Variants in TP53I13 observed in about 807,000 individuals in gnomAD.
The protein encoded by TP53I13 is tumor protein p53 inducible protein 13, also known as tumor protein p53-inducible protein 13.
A neutral mutation model predicts 39.1 loss-of-function variants in TP53I13; 27 were observed. The ratio of observed to expected loss-of-function variants is 0.69; its 90% CI spans 0.51 to 0.95. The LOEUF is 0.95. Ranked by LOEUF, TP53I13 falls within the 40% of genes least tolerant of loss-of-function variation. The probability of loss-of-function intolerance (pLI) is 0.00; values close to 1 mark genes in which losing one functional copy is unlikely to be tolerated. For missense variants in TP53I13, 544 were observed against 520.4 expected (o/e 1.05, Z -0.44); for synonymous variants, 230 against 224.6 (o/e 1.02, Z -0.22).
downstream of TP53I13, chr17:29,575,612 A>C (rs746235485): frequency 1.2e-6 from 2 of 1,608,350 alleles, no homozygotes; most frequent in Non-Finnish European, 1.7e-6. The surrounding 1 kb of genome is among the most constrained non-coding windows in gnomAD (Gnocchi z 5.5). Flanking sequence ...GCTGGACTGG[A>C]GACCCAGGGA....
upstream of TP53I13, chr17:29,567,037 CGCGGCTCCGCCCGCCG>C: frequency 8.4e-7 from 1 of 1,192,764 alleles, no homozygotes; most frequent in Non-Finnish European, 1.0e-6. This position sits in a 1 kb window ranked among gnomAD's most constrained non-coding sequence, Gnocchi z 6.6. Flanking sequence ...GCGCTTTGCC[CGCGGCTCCGCCCGCCG>C]GCGGCGGCTG....
chr17:29,569,349 G>T lies in TP53I13; in HGVS notation c.173G>T (p.Ser58Ile). 1 of 1,613,808 alleles carries T rather than the reference G, an allele frequency of 6.2e-7. No individual in the cohort carries two copies. Among genetic ancestry groups the T allele is most frequent in the Non-Finnish European group, 8.5e-7 (1 of 1,179,888 alleles). ...CCAAGAGTGACCTACACACGAGTGA[G>T]CCCAGGGCAGGTGAGTACAAGCAGG... ...VSPRVTYTRV[S>I]PGQAEDVTFL... The change falls in exon 3 of 7, where the codon AGC becomes ATC. Residue 58 changes from serine to isoleucine, a missense_variant. By Grantham distance (142) the Ser-to-Ile change is moderately radical (BLOSUM62 -2). Transcript: ENST00000301057.
At chr17:29,567,857 T>C (rs569913706), upstream of TP53I13, among the ~76,000 whole-genome samples, 58 of 152,146 alleles carry the variant, frequency 3.8e-4, no homozygotes, top group African/African-American at 1.3e-3. This position sits in a 1 kb window ranked among gnomAD's most constrained non-coding sequence, Gnocchi z 6.6. Context: ...TTCTCGCTGT[T>C]TCCAAGCTTT....
chr17:29,571,669 T>C lies in TP53I13; in HGVS notation c.262T>C (p.Cys88Arg). Residue 88 changes from cysteine (C) to arginine (R), a missense_variant, in exon 4 of 7, where the codon TGT (cysteine) becomes CGT (arginine). Transcript: ENST00000301057. ...KLQLALLAYA[C>R]MANPSLTPDF... ...CCAGCTTGCCCTCCTGGCCTATGCT[T>C]GTATGGCTAACCCTTCCCTCACCCC... The C allele has an allele frequency of 6.2e-7, 1 of 1,614,138 alleles. No individual in the cohort carries two copies. The highest frequency in any genetic ancestry group is 8.5e-7 in the Non-Finnish European group (1 of 1,180,014).
the TP53I13 span, among the ~76,000 whole-genome samples, chr17:29,578,533 A>T: frequency 6.6e-6 from 1 of 152,032 alleles, no homozygotes; most frequent in Non-Finnish European, 1.5e-5. Context: ...CATGTTCCAA[A>T]CTCCAAGGTG....
chr17:29,574,342 G>A (rs189416822), downstream of TP53I13: 22 of 292,154 alleles, frequency 7.5e-5, no homozygotes, highest in South Asian at 6.2e-4. Flanking sequence ...GGGGTGGGGC[G>A]CATGTACGGA....
At chr17:29,580,663 A>T in the TP53I13 span, among the ~76,000 whole-genome samples, 13 of 151,996 alleles carry the variant, frequency 8.6e-5, no homozygotes, top group African/African-American at 2.7e-4. Context: ...CCTGAAGCCC[A>T]CCCATCTTTT....
rs112566679 is a variant in TP53I13, at chr17:29,572,448, G to A, written c.820G>A (p.Gly274Arg). 305 of 1,578,296 alleles carry A rather than the reference G, an allele frequency of 1.9e-4. No homozygotes were observed. Among genetic ancestry groups the A allele is most frequent in the Non-Finnish European group, 2.4e-4 (280 of 1,159,436 alleles). Residue 274 changes from glycine to arginine, a missense_variant, in exon 6 of 7, where the codon GGG becomes AGG. By Grantham distance (125) the Gly-to-Arg change is moderately radical. Transcript: ENST00000301057. ...SSRTEAQVPN[G>R]QGSPGGCVCS... ...CAGGACAGAGGCTCAGGTGCCCAAC[G>A]GGCAAGGCAGCCCAGGGGGCTGTGT...
At position 29,572,688 on chromosome 17, in the gene TP53I13, A is replaced by G. The variant is rs754893712; in HGVS notation, c.1060A>G (p.Thr354Ala). The G allele has an allele frequency of 3.9e-5, 60 of 1,554,454 alleles. No homozygotes were observed. In the African/African-American group the frequency reaches 6.1e-4, roughly 16 times the overall value. Residue 354 changes from threonine to alanine, a missense_variant, in exon 6 of 7, where the codon ACA becomes GCA. Physicochemically the swap from Thr to Ala is moderately conservative, Grantham distance 58 (BLOSUM62 0). Coordinates refer to ENST00000301057, the MANE Select transcript of TP53I13 (RefSeq NM_138349.4). ...GGGGCCCACAGCGGACAGCCAGGAC[A>G]CAGTGGCTGGTGAGGAGTTCCCTCC... is the stretch of plus-strand genomic sequence containing the variant. Reference protein sequence around the residue: ...YWGPTADSQDTVAAVLKRRLL... With the variant: ...YWGPTADSQDAVAAVLKRRLL...
chr17:29,573,232 G>A (rs1333532729), downstream of TP53I13: 1 of 290,300 alleles, frequency 3.4e-6, no homozygotes, highest in Non-Finnish European at 6.4e-6. Context: ...TGGAGGTGGT[G>A]TTTGAGGCAG....
chr17:29,574,411 G>A (rs755750925), downstream of TP53I13: 92 of 441,222 alleles, frequency 2.1e-4, no homozygotes, highest in Non-Finnish European at 3.2e-4. Context: ...CCTAGAAGGC[G>A]AGGGGCTGGG....
downstream of TP53I13, chr17:29,577,819 G>A (rs562579437): frequency 1.4e-5 from 12 of 866,118 alleles, no homozygotes; most frequent in Non-Finnish European, 2.4e-5. Flanking sequence ...ACTGAGCCCA[G>A]CCTTCCTAGC....
downstream of TP53I13, chr17:29,575,157 G>A (rs369310943): frequency 3.1e-6 from 5 of 1,590,640 alleles, no homozygotes; most frequent in Non-Finnish European, 4.3e-6. This position sits in a 1 kb window ranked among gnomAD's most constrained non-coding sequence, Gnocchi z 5.5. Flanking sequence ...GGGGAGAAGG[G>A]AGGCTATAAA....
chr17:29,581,274 TG>T, the TP53I13 span: 1 of 1,257,418 alleles, frequency 8.0e-7, no homozygotes, highest in South Asian at 1.2e-5. The surrounding 1 kb of genome is among the most constrained non-coding windows in gnomAD (Gnocchi z 4.8). Context: ...CTGGGAGCTC[TG>T]GGGGTCAGCC....
chr17:29,578,313 C>T, the TP53I13 span: 1 of 1,613,950 alleles, frequency 6.2e-7, no homozygotes, highest in Non-Finnish European at 8.5e-7. Flanking sequence ...ATCATTTTCT[C>T]TTCGATCCAC....
upstream of TP53I13, chr17:29,566,998 G>C: frequency 7.8e-7 from 1 of 1,278,828 alleles, no homozygotes; most frequent in Non-Finnish European, 9.8e-7. Context: ...CGGGCAGCGG[G>C]CGGCGGGGCC....
At chr17:29,578,626 C>T in the TP53I13 span, 4 of 1,094,370 alleles carry the variant, frequency 3.7e-6, no homozygotes, top group South Asian at 5.0e-5. Context: ...AGGTCAAAGA[C>T]TTGGAAAAGG....
upstream of TP53I13, chr17:29,566,610 C>A: frequency 6.2e-7 from 1 of 1,608,988 alleles, no homozygotes; most frequent in Non-Finnish European, 8.5e-7. Context: ...CCAGCTCAGG[C>A]CCAGGCGCTA....
At position 29,568,954 on chromosome 17, in the gene TP53I13, T is replaced by G; in HGVS notation, c.73-64T>G. 6.3e-7 allele frequency: 1 copy of G among 1,592,732 alleles called. No homozygotes were observed. Among genetic ancestry groups the G allele is most frequent in the Non-Finnish European group, 8.5e-7 (1 of 1,171,252 alleles). On this transcript the variant is annotated intron_variant, in intron 1 of 6. Coordinates refer to ENST00000301057, the MANE Select transcript of TP53I13 (RefSeq NM_138349.4). The surrounding 1 kb of genome is among the most constrained non-coding windows in gnomAD (Gnocchi z 4.5). ...AGTTCTTCCGCTGGCGGGCTGGGCC[T>G]GGGGAGAGAGAGGGCAGGGCCTCGC...
Sources: allele counts gnomAD v4.1 joint callset (sites outside exome capture counted in the v4.1 genomes callset), GRCh38; gene constraint gnomAD v4.1.1; non-coding constraint Gnocchi (gnomAD v3.1); transcripts MANE v1.5; gene names NCBI Gene and HGNC (gene_info 2026-07-23, HGNC 2026-07-21).